Variants in AATK observed in about 807,000 individuals in gnomAD.
AATK encodes serine/threonine-protein kinase LMTK1.
In AATK, 91 loss-of-function variants were observed where a neutral mutation model predicts 114.3. The ratio of observed to expected loss-of-function variants is 0.80; its 90% confidence interval spans 0.67 to 0.95. AATK has a LOEUF of 0.95. Ranked by LOEUF, AATK falls within the 40% of genes least tolerant of loss-of-function variation. The pLI is 0.00. For missense variants in AATK, 2,176 were observed against 1,965.2 expected (o/e 1.11, Z -2.03); for synonymous variants, 1,075 against 916.5 (o/e 1.17, Z -3.12).
At chr17:81,127,271 C>CCG (rs1332268419) in intron 6 of AATK, among the ~76,000 whole-genome samples, 1 of 146,954 alleles carries the variant, frequency 6.8e-6, no homozygotes, top group Non-Finnish European at 1.5e-5. Flanking sequence ...CCAGTGCCCC[C>CCG]CCCCAGTTGG....
rs57119401 is a variant in AATK at position 81,131,145 on chromosome 17, T to C, written c.250A>G (p.Thr84Ala). ...AADLAQGSPATAAQNGPDVYV... is the reference protein window; with the variant it reads ...AADLAQGSPAAAAQNGPDVYV... ...ACGTCGGGCCCGTTCTGTGCTGCCG[T>C]GGCCGGGGAGCCCTGCGCCAGGTCG... Residue 84 changes from threonine to alanine, a missense_variant, in exon 3 of 14, where the codon ACG (threonine) becomes GCG (alanine). Physicochemically the swap from Thr to Ala is moderately conservative, Grantham distance 58. Around this residue, in one of 4 missense-constraint regions of AATK, gnomAD observed 178 missense variants for 175.4 expected, o/e 1.01. Coordinates refer to ENST00000326724, the MANE Select transcript of AATK (RefSeq NM_001080395.3). The C allele has an allele frequency of 5.4e-4, 849 of 1,575,668 alleles. 4 individuals carry two copies. The African/African-American group carries it at 0.011, about 20-fold the overall frequency.
At position 81,118,447 on chromosome 17, in the gene AATK, C is replaced by G. The variant is rs1459268361; in HGVS notation, c.4085-5G>C. The stretch of plus-strand genomic sequence containing the variant: ...CCCCGGCACCAGCTTCAGGTCCTGG[C>G]AAGCAGGACAACAAAGTGAACACAG... On this transcript the variant is annotated splice_polypyrimidine_tract_variant and splice_region_variant and intron_variant, in intron 13 of 13. Transcript: ENST00000326724. The G allele has an allele frequency of 1.9e-6, 3 of 1,605,664 alleles. No homozygotes were observed. Among genetic ancestry groups the G allele is most frequent in the South Asian group, 2.2e-5 (2 of 89,314 alleles).
chr17:81,126,796 C>T lies in AATK; in HGVS notation c.622-236G>A, dbSNP rs755461891. Reference sequence around the variant, plus strand: ...CTCTCCACTGCCCCTCAGCCAGCCCCGGGCAGCAGGAGTCCCTTGGCCTGT... The same window carrying T: ...CTCTCCACTGCCCCTCAGCCAGCCCTGGGCAGCAGGAGTCCCTTGGCCTGT... On this transcript the variant is annotated intron_variant, in intron 6 of 13. Coordinates refer to ENST00000326724, the MANE Select transcript of AATK (RefSeq NM_001080395.3). The surrounding 1 kb of genome is among the most constrained non-coding windows in gnomAD (Gnocchi z 5.1). 5.1e-5 allele frequency: 70 copies of T among 1,372,622 alleles called. No homozygotes were observed. The highest frequency in any genetic ancestry group is 3.7e-4 in the South Asian group (20 of 54,728). 85.0% of individuals were successfully genotyped at this position (1,372,622 alleles called of 1,614,324 possible).
At chr17:81,162,257 G>A (rs2061436067) in intron 1 of AATK, among the ~76,000 whole-genome samples, 1 of 152,052 alleles carries the variant, frequency 6.6e-6, no homozygotes, top group Non-Finnish European at 1.5e-5. Context: ...CACACCTGCA[G>A]CCTAAGGGTC....
rs745405011 is a variant in AATK, at chr17:81,134,377, G to A, written c.180C>T (p.Ile60=). 3.0e-5 allele frequency: 49 copies of A among 1,613,054 alleles called. No individual in the cohort carries two copies. Among genetic ancestry groups the A allele is most frequent in the Admixed American group, 8.3e-5 (5 of 59,992 alleles). Residue 60 remains isoleucine (I), a synonymous_variant, in exon 2 of 14, where the codon ATC becomes ATT. Coordinates refer to ENST00000326724, the MANE Select transcript of AATK (RefSeq NM_001080395.3). The part of the protein sequence containing the change: ...LACLCCKKGG[I]GFKEFENAEG... ...GGCCCCCAGGCCTCACCTTGAACCC[G>A]ATACCGCCCTTCTTACAGCACAGGC...
At chr17:81,151,156 G>A (rs185997621) in intron 1 of AATK, among the ~76,000 whole-genome samples, 2 of 152,248 alleles carry the variant, frequency 1.3e-5, no homozygotes, top group Non-Finnish European at 2.9e-5. Context: ...TTGCACAGGC[G>A]CCCAGACACA....
At chr17:81,125,175 T>C in intron 7 of AATK, 161 bp from the exon 8 acceptor site, 1 of 688,122 alleles carries the variant, frequency 1.5e-6, no homozygotes, top group Non-Finnish European at 2.6e-6. Flanking sequence ...GAAGGGGCGT[T>C]GGAGACACTG....
At chr17:81,128,577 C>A (rs1448745365) in intron 3 of AATK, 28 bp from the exon 4 acceptor site, 1 of 1,548,104 alleles carries the variant, frequency 6.5e-7, no homozygotes, top group Non-Finnish European at 8.7e-7. Context: ...GTTCAGGGAC[C>A]CAGTGTGGCC....
At chr17:81,161,624 C>T (rs1465280617) in intron 1 of AATK, among the ~76,000 whole-genome samples, 2 of 152,172 alleles carry the variant, frequency 1.3e-5, no homozygotes, top group Admixed American at 1.3e-4. Context: ...CGTGACGGCC[C>T]CCGGGTTCTC....
In AATK at chr17:81,118,286, A is replaced by G; in HGVS notation, c.*116T>C. The G allele has an allele frequency of 9.0e-7, 1 of 1,114,248 alleles. No homozygotes were observed. Among genetic ancestry groups the G allele is most frequent in the East Asian group, 2.6e-5 (1 of 38,002 alleles). 69.0% of individuals were successfully genotyped at this position (1,114,248 alleles called of 1,614,324 possible). A position where few individuals can be genotyped will look rare whatever the true frequency, so the allele number is the denominator to read the frequency against. ...ACACCGCGTGGGGCAGAGGCACCTG[A>G]ATCTGCTGCCAACAGCCACCAGGAC... On this transcript the variant is annotated 3_prime_UTR_variant, in exon 14 of 14. Coordinates refer to ENST00000326724, the MANE Select transcript of AATK (RefSeq NM_001080395.3).
intron 1 of AATK, among the ~76,000 whole-genome samples, chr17:81,154,536 C>T (rs2061338144): frequency 9.2e-6 from 1 of 109,086 alleles, no homozygotes; most frequent in Non-Finnish European, 1.8e-5. Flanking sequence ...CCAGGGTGGT[C>T]TCAAACTCCT....
rs754485729 is a variant in AATK, at chr17:81,119,434, TGGGCGC to T, written c.4024_4029del (p.Ala1342_Pro1343del). ...ACGTGCGTGATGGAGAAGCGGGACG[TGGGCGC>T]GGGCGACACCGTGAAGCGCGAGAAG... On this transcript the variant is annotated inframe_deletion, in exon 13 of 14. Coordinates refer to ENST00000326724, the MANE Select transcript of AATK (RefSeq NM_001080395.3). 1 of 1,518,456 alleles carries T rather than the reference TGGGCGC, an allele frequency of 6.6e-7. No homozygotes were observed. Among genetic ancestry groups the T allele is most frequent in the Non-Finnish European group, 8.8e-7 (1 of 1,139,590 alleles). The allele number at this position is 1,518,456 out of a possible 1,614,324, so 94.1% of individuals were successfully genotyped here. A position where few individuals can be genotyped will look rare whatever the true frequency, so the allele number is the denominator to read the frequency against.
In AATK at chr17:81,128,490, C is replaced by T. The variant is rs931345098; in HGVS notation, c.394G>A (p.Gly132Ser). The T allele has an allele frequency of 1.3e-6, 2 of 1,549,288 alleles. No individual in the cohort carries two copies. Among genetic ancestry groups the T allele is most frequent in the Non-Finnish European group, 1.7e-6 (2 of 1,146,898 alleles). ...CGTACCTTCCCGAACCAGCCACGGC[C>T]GATTTCCTTCAGGTACAGGAGGCTG... ...RHSLLYLKEI[G>S]RGWFGKVFLG... The change falls in exon 4 of 14, where the codon GGC becomes AGC. Residue 132 changes from glycine (G) to serine (S), a missense_variant. Around this residue, in one of 4 missense-constraint regions of AATK, gnomAD observed 24 missense variants for 50.9 expected, o/e 0.47. Transcript: ENST00000326724.
chr17:81,120,708 C>T lies in AATK; in HGVS notation c.3228G>A (p.Leu1076=). 1 of 1,538,280 alleles carries T rather than the reference C, an allele frequency of 6.5e-7. No individual in the cohort carries two copies. The change falls in exon 11 of 14, where the codon CTG becomes CTA. Residue 1076 remains leucine, a synonymous_variant. Coordinates refer to ENST00000326724, the MANE Select transcript of AATK (RefSeq NM_001080395.3). The stretch of plus-strand genomic sequence containing the variant: ...CTTGGGGCTCCGGAGGCTCTGGGAC[C>T]AGGCCCGAGGGGCAGGTGCTGGGCT... ...SPEPSTCPSG[L]VPEPPEPQGP...
rs201550395 is a variant in AATK at position 81,120,638 on chromosome 17, A to C, written c.3298T>G (p.Phe1100Val). ...AGCGGAACCGGGGTCAGCAGGAAAAACTGGGAGCAGCTGGGGCTGGGCCCA... is the reference window on the plus strand; with the variant it reads ...AGCGGAACCGGGGTCAGCAGGAAAACCTGGGAGCAGCTGGGGCTGGGCCCA... ...RPGPSPSCSQFFLLTPVPLRS... is the reference protein window; with the variant it reads ...RPGPSPSCSQVFLLTPVPLRS... The change falls in exon 11 of 14, where the codon TTT (phenylalanine) becomes GTT (valine). Residue 1100 changes from phenylalanine to valine, a missense_variant. This residue lies in a region of AATK where 1,701 missense variants were observed against 1,394.7 expected (regional missense o/e 1.22). Coordinates refer to ENST00000326724, the MANE Select transcript of AATK (RefSeq NM_001080395.3). 2.0e-4 allele frequency: 300 copies of C among 1,535,542 alleles called. 1 individual carries two copies. The African/African-American group carries it at 2.7e-3, about 14-fold the overall frequency.
At chr17:81,130,882 G>C (rs755655784) in intron 3 of AATK, among the ~76,000 whole-genome samples, 179 bp downstream of exon 3, 7 of 152,212 alleles carry the variant, frequency 4.6e-5, no homozygotes, top group Non-Finnish European at 1.0e-4. Context: ...CCCACAGTGC[G>C]GCCTGTGACG....
intron 1 of AATK, among the ~76,000 whole-genome samples, chr17:81,156,394 G>A (rs2146407419): frequency 6.6e-6 from 1 of 152,078 alleles, no homozygotes; most frequent in Middle Eastern, 3.4e-3. Flanking sequence ...GCAAATAAAT[G>A]TTTTTTGTTT....
chr17:81,125,151 C>T (rs9902107), intron 7 of AATK, 137 bp from the exon 8 acceptor site: 245,043 of 780,564 alleles, frequency 0.31, 40,770 homozygotes, highest in Admixed American at 0.45. Flanking sequence ...TTGGATGGCT[C>T]ACAGTCCAGG....
chr17:81,121,725 C>T lies in AATK; in HGVS notation c.2211G>A (p.Gln737=). 1 of 1,497,312 alleles carries T rather than the reference C, an allele frequency of 6.7e-7. No homozygotes were observed. The allele number at this position is 1,497,312 out of a possible 1,614,324, so 92.8% of individuals were successfully genotyped here. Residue 737 remains glutamine (Q), a synonymous_variant, in exon 11 of 14, where the codon CAG becomes CAA. Transcript: ENST00000326724. ...PLLGLQAASA[Q]EPGCCPGLPH... ...GGAGGCCGGGGCAGCAGCCTGGCTC[C>T]TGGGCAGAGGCTGCCTGGAGCCCAA...
Sources: gnomAD v4.1 joint callset for allele counts (sites outside exome capture counted in the v4.1 genomes callset) on GRCh38, gnomAD v4.1.1 for gene constraint, gnomAD v4.1.1 regional missense constraint, Gnocchi (gnomAD v3.1) non-coding constraint, MANE v1.5 for transcripts, NCBI Gene and HGNC (gene_info 2026-07-23, HGNC 2026-07-21) for gene names.